The following TDRD7 variants were observed in gnomAD, a reference collection of about 807,000 sequenced individuals.
TDRD7 encodes tudor domain-containing protein 7.
In TDRD7, 47 loss-of-function variants were observed where a neutral mutation model predicts 109.8. That is an observed-to-expected ratio of 0.43 (90% CI 0.34 to 0.55). The LOEUF is 0.55. TDRD7 is among the 20% of genes least tolerant of loss of function. TDRD7 has a pLI of 0.03. For missense variants in TDRD7, 1,164 were observed against 1,319.2 expected, an observed-to-expected ratio of 0.88 and a Z score of 1.82; for synonymous variants, 424 against 457.3, an observed-to-expected ratio of 0.93 and a Z score of 0.93.
Position 97,454,196 on chromosome 9 carries a change from C to T in TDRD7, c.856-5982C>T, listed in dbSNP as rs1034790695. The stretch of plus-strand genomic sequence containing the variant: ...AAGAACTGAAATTATAAAAAACAGT[C>T]TCGGCTGGGTGTGATGGCTCACGCC... On this transcript the variant is annotated intron_variant, in intron 6 of 16. Transcript: ENST00000355295. Among the ~76,000 whole-genome samples, 10 of 152,276 alleles carry T rather than the reference C, an allele frequency of 6.6e-5. No individual in the cohort carries two copies. In the South Asian group the frequency reaches 2.1e-3, roughly 32 times the overall value.
chr9:97,473,624 A>G lies in TDRD7; in HGVS notation c.2077A>G (p.Lys693Glu), dbSNP rs770840226. 22 of 1,613,668 alleles carry G rather than the reference A, an allele frequency of 1.4e-5. No homozygotes were observed. The highest frequency in any genetic ancestry group is 1.9e-5 in the Non-Finnish European group (22 of 1,179,682). Reference sequence around the variant, plus strand: ...TAAGATAGAGGACTACTTCCATTGCAAGGTATAGCAGAACCTCTTCTACCT... The same window carrying G: ...TAAGATAGAGGACTACTTCCATTGCGAGGTATAGCAGAACCTCTTCTACCT... The part of the protein sequence containing the change: ...LRKIEDYFHC[K>E]HMTSECFVSL... The change falls in exon 11 of 17, where the codon AAG becomes GAG. Residue 693 changes from lysine to glutamate, a missense_variant and splice_region_variant. Physicochemically the swap from Lys to Glu is moderately conservative, Grantham distance 56. Transcript: ENST00000355295.
intron 6 of TDRD7, among the ~76,000 whole-genome samples, chr9:97,450,484 C>T (rs1253945223): frequency 6.6e-6 from 1 of 152,112 alleles, no homozygotes; most frequent in Non-Finnish European, 1.5e-5. Flanking sequence ...TAATAAAAGC[C>T]ATGTTTCAAG....
At chr9:97,477,180 A>G (rs1829037183) in intron 12 of TDRD7, among the ~76,000 whole-genome samples, 1 of 152,240 alleles carries the variant, frequency 6.6e-6, no homozygotes, top group South Asian at 2.1e-4. Context: ...AAGAGGTCTC[A>G]TTGGCCTTTT....
At position 97,456,248 on chromosome 9, in the gene TDRD7, C is replaced by T. The variant is rs372164937; in HGVS notation, c.856-3930C>T. Among the ~76,000 whole-genome samples, 9 of 152,256 alleles carry T rather than the reference C, an allele frequency of 5.9e-5. No homozygotes were observed. In the East Asian group the frequency reaches 7.7e-4, roughly 13 times the overall value. ...CAATATCATGAAAATGGCCATACTG[C>T]CCAAAGTGATTTCTAGATTAAATGC... On this transcript the variant is annotated intron_variant, in intron 6 of 16. Coordinates refer to ENST00000355295, the MANE Select transcript of TDRD7 (RefSeq NM_014290.3).
chr9:97,431,931 A>G, intron 3 of TDRD7, 94 bp from the exon 4 acceptor site: 1 of 1,124,378 alleles, frequency 8.9e-7, no homozygotes, highest in Non-Finnish European at 1.4e-6. Context: ...CTGAGAATAG[A>G]CACCCACAGA....
chr9:97,417,009 AT>A (rs1042600849), intron 1 of TDRD7, among the ~76,000 whole-genome samples: 22 of 152,134 alleles, frequency 1.4e-4, no homozygotes, highest in Admixed American at 1.4e-3. Flanking sequence ...CTCAGTTTTG[AT>A]TTTGAATAGG....
At chr9:97,485,861 A>G (rs995085015) in intron 15 of TDRD7, among the ~76,000 whole-genome samples, 4 of 152,210 alleles carry the variant, frequency 2.6e-5, no homozygotes, top group Non-Finnish European at 4.4e-5. Flanking sequence ...TCATGTACAT[A>G]CTATGTATCC....
At position 97,456,441 on chromosome 9, in the gene TDRD7, G is replaced by C. The variant is rs113745339; in HGVS notation, c.856-3737G>C. Among the ~76,000 whole-genome samples, 1,256 of 152,236 alleles carry C rather than the reference G, an allele frequency of 8.3e-3. 43 individuals are homozygous for C. In the East Asian group the frequency reaches 0.11, roughly 13 times the overall value. On this transcript the variant is annotated intron_variant, in intron 6 of 16. Transcript: ENST00000355295. ...TCAGACTGACTATACTACAAGGCTA[G>C]AGAAACCAAAACAAGTTGGTACTGG... is the stretch of plus-strand genomic sequence containing the variant.
intron 6 of TDRD7, among the ~76,000 whole-genome samples, chr9:97,453,025 C>A (rs543206180): frequency 1.3e-5 from 2 of 152,036 alleles, no homozygotes; most frequent in Non-Finnish European, 2.9e-5. Flanking sequence ...TCAGTACACT[C>A]CTTGGAAAGA....
chr9:97,463,380 G>GTTT (rs1179946909), intron 7 of TDRD7, among the ~76,000 whole-genome samples: 9 of 125,688 alleles, frequency 7.2e-5, no homozygotes, highest in African/African-American at 1.2e-4. Flanking sequence ...TCTGAGTTTT[G>GTTT]TTTTTTTTTT....
chr9:97,486,118 G>C (rs1340542170), intron 15 of TDRD7, among the ~76,000 whole-genome samples: 1 of 152,164 alleles, frequency 6.6e-6, no homozygotes, highest in East Asian at 1.9e-4. Context: ...GTGGTACAGG[G>C]CTTGCTGTTC....
chr9:97,446,362 G>A (rs1828400786), intron 6 of TDRD7, among the ~76,000 whole-genome samples: 1 of 152,140 alleles, frequency 6.6e-6, no homozygotes, highest in Admixed American at 6.5e-5. Flanking sequence ...TAGGCAACCA[G>A]CAGGTAGCTG....
chr9:97,464,798 T>A (rs1242688852), intron 7 of TDRD7, 44 bp from the exon 8 acceptor site: 1 of 1,609,874 alleles, frequency 6.2e-7, no homozygotes, highest in Non-Finnish European at 8.5e-7. Flanking sequence ...GCTTTTCTTC[T>A]TCTAGGTTAC....
intron 8 of TDRD7, among the ~76,000 whole-genome samples, chr9:97,465,668 G>T (rs1022443933): frequency 3.3e-5 from 5 of 152,106 alleles, no homozygotes; most frequent in African/African-American, 1.2e-4. Context: ...AACATGCAGA[G>T]AAATTAGGTA....
intron 6 of TDRD7, among the ~76,000 whole-genome samples, chr9:97,458,387 T>C (rs531779548): frequency 1.8e-4 from 27 of 152,338 alleles, no homozygotes; most frequent in African/African-American, 6.3e-4. Context: ...TTGTATCTTA[T>C]TGAGTGTCAT....
intron 1 of TDRD7, among the ~76,000 whole-genome samples, chr9:97,420,365 G>T (rs1282283133): frequency 1.3e-5 from 1 of 75,662 alleles, no homozygotes; most frequent in Admixed American, 1.2e-4. Context: ...ACTTTTTTTT[G>T]GGGGGGGCGG....
At chr9:97,488,296 T>G (rs1348301461) in intron 16 of TDRD7, among the ~76,000 whole-genome samples, 5 of 152,210 alleles carry the variant, frequency 3.3e-5, no homozygotes, top group Non-Finnish European at 1.5e-5. Context: ...TTGCCCCATA[T>G]GTGGAACACA....
intron 4 of TDRD7, among the ~76,000 whole-genome samples, chr9:97,432,870 G>A (rs1828129470): frequency 6.6e-6 from 1 of 152,146 alleles, no homozygotes; most frequent in Admixed American, 6.5e-5. Flanking sequence ...ACTACATCAA[G>A]CCCACAGCCT....
At chr9:97,479,168 T>C (rs1829073176) in intron 13 of TDRD7, among the ~76,000 whole-genome samples, 1 of 152,210 alleles carries the variant, frequency 6.6e-6, no homozygotes, top group Non-Finnish European at 1.5e-5. Flanking sequence ...TTCTACAACT[T>C]CAAGATGCCC....
Sources: allele counts gnomAD v4.1 joint callset (sites outside exome capture counted in the v4.1 genomes callset), GRCh38; gene constraint gnomAD v4.1.1; transcripts MANE v1.5; gene names NCBI Gene and HGNC (gene_info 2026-07-23, HGNC 2026-07-21).